Variants in GDPGP1 observed in about 807,000 individuals in gnomAD.
GDPGP1 encodes GDP-D-glucose phosphorylase 1, also known as GDP-D-glucose phosphorylase C15orf58.
Under a neutral mutation model 19.2 loss-of-function variants are expected in GDPGP1, and 18 were observed. The observed-to-expected ratio is 0.94, with a 90% CI of 0.65 to 1.39. The LOEUF is 1.39. Among genes scored for constraint, GDPGP1 ranks in the 40% most tolerant of loss-of-function variants. The pLI, the probability that GDPGP1 is intolerant of heterozygous loss-of-function variation, is 0.00. For missense variants in GDPGP1, 449 were observed against 490.5 expected (o/e 0.92, Z 0.80); for synonymous variants, 219 against 208.9 (o/e 1.05, Z -0.42).
rs766515619 is a variant in GDPGP1, at chr15:90,240,936, A to C, written c.28A>C (p.Thr10Pro). 1 of 1,614,016 alleles carries C rather than the reference A, an allele frequency of 6.2e-7. No homozygotes were observed. The highest frequency in any genetic ancestry group is 2.2e-5 in the East Asian group (1 of 44,890). The change falls in exon 4 of 4, where the codon ACT becomes CCT. Residue 10 changes from threonine (T) to proline (P), a missense_variant. Coordinates refer to ENST00000329600, the MANE Select transcript of GDPGP1 (RefSeq NM_001013657.3). MALPHDSNE[T>P]SYLLPPNNED... Reference sequence around the variant, plus strand: ...GGCTCTTCCACATGATTCAAACGAAACTTCCTATTTGCTGCCTCCCAACAA... The same window carrying C: ...GGCTCTTCCACATGATTCAAACGAACCTTCCTATTTGCTGCCTCCCAACAA...
Position 90,242,050 on chromosome 15 carries a change from C to T in GDPGP1, c.1142C>T (p.Ser381Phe). 6.2e-7 allele frequency: 1 copy of T among 1,604,964 alleles called. No individual in the cohort carries two copies. Among genetic ancestry groups the T allele is most frequent in the Non-Finnish European group, 8.5e-7 (1 of 1,175,830 alleles). Residue 381 changes from serine to phenylalanine, a missense_variant, in exon 4 of 4, where the codon TCC becomes TTC. Transcript: ENST00000329600. ...DVQAALVALM[S>F]QEEQ The stretch of plus-strand genomic sequence containing the variant: ...CAGGCAGCACTGGTGGCCCTGATGT[C>T]CCAGGAAGAGCAATAATACTTCTGG...
rs1406313484 is a variant in GDPGP1, at chr15:90,241,919, G to A, written c.1011G>A (p.Gly337=). The change falls in exon 4 of 4, where the codon GGG becomes GGA. Residue 337 remains glycine, a synonymous_variant. Transcript: ENST00000329600. ...AFNVALCELA[G]HLPVKTSQDF... ...ATGTTGCCCTCTGTGAGCTGGCTGGGCACCTCCCTGTCAAAACATCCCAGG... is the reference window on the plus strand; with the variant it reads ...ATGTTGCCCTCTGTGAGCTGGCTGGACACCTCCCTGTCAAAACATCCCAGG... 1 of 1,614,108 alleles carries A rather than the reference G, an allele frequency of 6.2e-7. No homozygotes were observed. Among genetic ancestry groups the A allele is most frequent in the South Asian group, 1.1e-5 (1 of 91,078 alleles).
At chr15:90,237,547 G>A (rs1009660939) in intron 2 of GDPGP1, among the ~76,000 whole-genome samples, 5 of 151,998 alleles carry the variant, frequency 3.3e-5, no homozygotes, top group African/African-American at 1.2e-4. Flanking sequence ...GCCTCCCAAT[G>A]TGCTGGTCCA....
Position 90,239,445 on chromosome 15 carries a change from A to G in GDPGP1, c.-10+897A>G, listed in dbSNP as rs78859005. 1.4e-4 allele frequency among the ~76,000 whole-genome samples: 21 copies of G among 152,264 alleles called. No individual in the cohort carries two copies. The East Asian group carries it at 3.9e-3, about 28-fold the overall frequency. ...AGTTCTGCAAGGGTGGACAGGCCTC[A>G]GGAAACTTACAATCATGACAGAAGG... is the stretch of plus-strand genomic sequence containing the variant. On this transcript the variant is annotated intron_variant, in intron 3 of 3. Transcript: ENST00000329600.
In GDPGP1 at chr15:90,242,242, C is replaced by T. The variant is rs143986888; in HGVS notation, c.*176C>T. 987 of 405,522 alleles carry T rather than the reference C, an allele frequency of 2.4e-3. 16 individuals are homozygous for T. Among genetic ancestry groups the T allele is most frequent in the African/African-American group, 0.019 (882 of 45,246 alleles). 25.1% of individuals were successfully genotyped at this position (405,522 alleles called of 1,614,324 possible). On this transcript the variant is annotated 3_prime_UTR_variant, in exon 4 of 4. Coordinates refer to ENST00000329600, the MANE Select transcript of GDPGP1 (RefSeq NM_001013657.3). The stretch of plus-strand genomic sequence containing the variant: ...AGCTGAGACTATAGGCGTGCACCAC[C>T]ACACACCTGGCTTTTTTTTTTTTTT...
At chr15:90,236,431 A>G (rs1199368248) in intron 2 of GDPGP1, among the ~76,000 whole-genome samples, 1 of 152,102 alleles carries the variant, frequency 6.6e-6, no homozygotes. Context: ...TTGGCTCTGA[A>G]CCCTTCATGG....
chr15:90,244,534 G>A lies in GDPGP1; in HGVS notation c.*2468G>A, dbSNP rs1436517980. 6.6e-6 allele frequency: 1 copy of A among 152,160 alleles called. No individual in the cohort carries two copies. Among genetic ancestry groups the A allele is most frequent in the Non-Finnish European group, 1.5e-5 (1 of 68,028 alleles). The allele number at this position is 152,160 out of a possible 1,614,324, so 9.4% of individuals were successfully genotyped here. The stretch of plus-strand genomic sequence containing the variant: ...ATGTTATACAGCAAAAGTAAAAGAA[G>A]TCTTGGGTTGGCTGGGCACGTTGGC... On this transcript the variant is annotated 3_prime_UTR_variant, in exon 4 of 4. Coordinates refer to ENST00000329600, the MANE Select transcript of GDPGP1 (RefSeq NM_001013657.3).
At chr15:90,240,040 A>T (rs186236884) in intron 3 of GDPGP1, among the ~76,000 whole-genome samples, 16 of 151,414 alleles carry the variant, frequency 1.1e-4, no homozygotes, top group African/African-American at 3.9e-4. Context: ...CCAGACCAAC[A>T]TGGTGAAACC....
In GDPGP1 at chr15:90,242,263, T is replaced by C. The variant is rs1336689358; in HGVS notation, c.*197T>C. The C allele has an allele frequency of 6.3e-6, 2 of 318,358 alleles. No homozygotes were observed. The highest frequency in any genetic ancestry group is 7.9e-5 in the East Asian group (1 of 12,606). 19.7% of individuals were successfully genotyped at this position (318,358 alleles called of 1,614,324 possible). On this transcript the variant is annotated 3_prime_UTR_variant, in exon 4 of 4. Transcript: ENST00000329600. ...CCACCACACACCTGGCTTTTTTTTT[T>C]TTTTTTTTTTTTTTTAACGATTAGG...
rs750104992 is a variant in GDPGP1, at chr15:90,240,974, C to A, written c.66C>A (p.Gly22=). 1 of 1,613,648 alleles carries A rather than the reference C, an allele frequency of 6.2e-7. No homozygotes were observed. The highest frequency in any genetic ancestry group is 8.5e-7 in the Non-Finnish European group (1 of 1,179,640). The stretch of plus-strand genomic sequence containing the variant: ...TGCCTCCCAACAATGAGGACTGGGG[C>A]AGGCAAACCATTCCTGACTTTGTTT... The part of the protein sequence containing the change: ...YLLPPNNEDW[G]RQTIPDFVYG... The change falls in exon 4 of 4, where the codon GGC becomes GGA. Residue 22 remains glycine (G), a synonymous_variant. Transcript: ENST00000329600.
intron 2 of GDPGP1, chr15:90,235,963 T>C (rs1398818663): frequency 6.6e-6 from 1 of 152,262 alleles, no homozygotes; most frequent in Non-Finnish European, 1.5e-5. Flanking sequence ...GCTGTCATTA[T>C]GTCTCCTGTA....
chr15:90,234,889 A>G (rs1443207468), intron 2 of GDPGP1, among the ~76,000 whole-genome samples: 1 of 152,226 alleles, frequency 6.6e-6, no homozygotes, highest in Non-Finnish European at 1.5e-5. Flanking sequence ...ATACTATTGC[A>G]AAAGGTAAGG....
rs779239841 is a variant in GDPGP1 at position 90,241,616 on chromosome 15, GC to G, written c.712del (p.Leu238TrpfsTer32). On this transcript the variant is annotated frameshift_variant, in exon 4 of 4. Transcript: ENST00000329600. LOFTEE classifies it high-confidence loss of function. ...TGCCCGTGGAGCAGGCGCCAAGCGAGCCCCTGGACCCTGGAGGCCATTTGCA... is the reference window on the plus strand; with the variant it reads ...TGCCCGTGGAGCAGGCGCCAAGCGAGCCCTGGACCCTGGAGGCCATTTGCA... ...RLPVEQAPSE[P>X]LDPGGHLHLL... 3 of 1,614,026 alleles carry G rather than the reference GC, an allele frequency of 1.9e-6. No homozygotes were observed. Among genetic ancestry groups the G allele is most frequent in the Non-Finnish European group, 2.5e-6 (3 of 1,180,040 alleles).
chr15:90,236,362 A>C (rs1275038615), intron 2 of GDPGP1, among the ~76,000 whole-genome samples: 1 of 152,176 alleles, frequency 6.6e-6, no homozygotes, highest in Non-Finnish European at 1.5e-5. Flanking sequence ...TAGTGAAGAC[A>C]TGAGAGTCAG....
In GDPGP1 at chr15:90,241,124, G is replaced by C; in HGVS notation, c.216G>C (p.Glu72Asp). 2 of 1,614,192 alleles carry C rather than the reference G, an allele frequency of 1.2e-6. No individual in the cohort carries two copies. The highest frequency in any genetic ancestry group is 1.7e-6 in the Non-Finnish European group (2 of 1,180,018). Residue 72 changes from glutamate (E) to aspartate (D), a missense_variant, in exon 4 of 4, where the codon GAG (glutamate) becomes GAC (aspartate). Transcript: ENST00000329600. ...GCTCTGCCTGGAAGCAGCGGGTGGA[G>C]CTGGGGCTGTTTCGCTACCGTCTAC... ...ALCSAWKQRV[E>D]LGLFRYRLRE...
In GDPGP1 at chr15:90,240,975, A is replaced by G. The variant is rs7166441; in HGVS notation, c.67A>G (p.Arg23Gly). ...LLPPNNEDWG[R>G]QTIPDFVYGQ... ...GCCTCCCAACAATGAGGACTGGGGCAGGCAAACCATTCCTGACTTTGTTTA... is the reference window on the plus strand; with the variant it reads ...GCCTCCCAACAATGAGGACTGGGGCGGGCAAACCATTCCTGACTTTGTTTA... The change falls in exon 4 of 4, where the codon AGG (arginine) becomes GGG (glycine). Residue 23 changes from arginine to glycine, a missense_variant. Coordinates refer to ENST00000329600, the MANE Select transcript of GDPGP1 (RefSeq NM_001013657.3). 1 allele frequency: 1,614,010 copies of G among 1,614,076 alleles called. 806,973 individuals are homozygous for G. Among genetic ancestry groups the G allele is most frequent in the Middle Eastern group, 1 (6,062 of 6,062 alleles).
intron 3 of GDPGP1, among the ~76,000 whole-genome samples, chr15:90,240,427 G>A (rs1962727255): frequency 6.6e-6 from 1 of 152,018 alleles, no homozygotes; most frequent in South Asian, 2.1e-4. Context: ...AGAATCACTT[G>A]AACCCAGGAG....
rs1326464057 is a variant in GDPGP1, at chr15:90,242,895, G to A, written c.*829G>A. 6.6e-6 allele frequency: 1 copy of A among 152,198 alleles called. No homozygotes were observed. Among genetic ancestry groups the A allele is most frequent in the African/African-American group, 2.4e-5 (1 of 41,442 alleles). The allele number at this position is 152,198 out of a possible 1,614,324, so 9.4% of individuals were successfully genotyped here. The stretch of plus-strand genomic sequence containing the variant: ...GCTGATAATGATCTCTTAAAGGGGA[G>A]AAAGATAATGGTCTCTTTAAAGGGG... On this transcript the variant is annotated 3_prime_UTR_variant, in exon 4 of 4. Transcript: ENST00000329600.
chr15:90,239,869 G>A lies in GDPGP1; in HGVS notation c.-9-1031G>A, dbSNP rs115150859. 4.3e-3 allele frequency among the ~76,000 whole-genome samples: 650 copies of A among 152,324 alleles called. 5 individuals are homozygous for A. Among genetic ancestry groups the A allele is most frequent in the African/African-American group, 0.015 (631 of 41,564 alleles). ...GAGCCTGGGAGGTCAAGGCTTCAGG[G>A]AGACATGTATGCACCACTGCACTCC... On this transcript the variant is annotated intron_variant, in intron 3 of 3. Transcript: ENST00000329600.
Sources: gnomAD v4.1 joint callset for allele counts (sites outside exome capture counted in the v4.1 genomes callset) on GRCh38, gnomAD v4.1.1 for gene constraint, MANE v1.5 for transcripts, NCBI Gene and HGNC (gene_info 2026-07-23, HGNC 2026-07-21) for gene names.